The following PRKCB variants were observed in gnomAD, a reference collection of about 807,000 sequenced individuals.
The protein encoded by PRKCB is protein kinase C beta, also known as protein kinase C beta type.
Under a neutral mutation model 81.5 loss-of-function variants are expected in PRKCB, and 13 were observed. The ratio of observed to expected loss-of-function variants is 0.16; its 90% CI spans 0.10 to 0.25. PRKCB has a LOEUF of 0.25. PRKCB is among the 10% of genes least tolerant of loss of function. The probability of loss-of-function intolerance (pLI) is 1.00; values close to 1 mark genes in which losing one functional copy is unlikely to be tolerated. For missense variants in PRKCB, 509 were observed against 875.7 expected (o/e 0.58, Z 5.29); for synonymous variants, 335 against 321.4 (o/e 1.04, Z -0.45).
In PRKCB at chr16:24,083,735, C is replaced by T. The variant is rs375368616; in HGVS notation, c.530-9056C>T. Among the ~76,000 whole-genome samples the T allele has an allele frequency of 3.3e-5, 5 of 152,280 alleles. No homozygotes were observed. In the East Asian group the frequency reaches 9.7e-4, roughly 29 times the overall value. On this transcript the variant is annotated intron_variant, in intron 5 of 16. Transcript: ENST00000643927. ...GAGGAATTTTTCCGAGGTGATAGAA[C>T]TCTTCTGTATTCTGATTGTGTGATG...
intron 5 of PRKCB, among the ~76,000 whole-genome samples, chr16:24,056,749 TG>T (rs1489071136): frequency 1.3e-5 from 2 of 152,208 alleles, no homozygotes; most frequent in Non-Finnish European, 2.9e-5. Context: ...GTACCATGAT[TG>T]GAAGCTTCCT....
intron 16 of PRKCB, chr16:24,202,990 G>A (rs1471636249): frequency 6.6e-6 from 1 of 152,214 alleles, no homozygotes; most frequent in Admixed American, 6.5e-5. Context: ...GTTAACATGG[G>A]CAGATCACTT....
Position 23,970,967 on chromosome 16 carries a change from A to C in PRKCB, c.206-17541A>C, listed in dbSNP as rs76221866. ...AGGGCTTGACCAACCTCTAGAGTCC[A>C]TGGGCAGATTTTCTGGGCCTCTGGC... On this transcript the variant is annotated intron_variant, in intron 2 of 16. Coordinates refer to ENST00000643927, the MANE Select transcript of PRKCB (RefSeq NM_002738.7). Among the ~76,000 whole-genome samples, 344 of 152,330 alleles carry C rather than the reference A, an allele frequency of 2.3e-3. 1 individual carries two copies. The highest frequency in any genetic ancestry group is 3.9e-3 in the Non-Finnish European group (266 of 68,038).
At chr16:24,087,272 C>T (rs1966320793) in intron 5 of PRKCB, among the ~76,000 whole-genome samples, 2 of 152,194 alleles carry the variant, frequency 1.3e-5, no homozygotes, top group Admixed American at 6.5e-5. Flanking sequence ...AACAAAGAGG[C>T]ATTATATTGC....
rs957487467 is a variant in PRKCB at position 24,219,899 on chromosome 16, G to A, written c.*5083G>A. The A allele has an allele frequency of 2.2e-5, 35 of 1,573,932 alleles. No homozygotes were observed. The highest frequency in any genetic ancestry group is 1.4e-4 in the East Asian group (6 of 43,424). ...TGGTATCAGCCACCCAATGACTGGC[G>A]TATCTTGGTCCTGTGTCTTTCTTCT... On this transcript the variant is annotated 3_prime_UTR_variant, in exon 17 of 17. Transcript: ENST00000643927.
At position 23,836,166 on chromosome 16, in the gene PRKCB, C is replaced by T. The variant is rs777496943; in HGVS notation, c.-10C>T. ...CGGCACCTCTCGGGCTCCGGCTCCC[C>T]GCGCGCAAGATGGCTGACCCGGCTG... On this transcript the variant is annotated 5_prime_UTR_variant, in exon 1 of 17. Coordinates refer to ENST00000643927, the MANE Select transcript of PRKCB (RefSeq NM_002738.7). 2.0e-6 allele frequency: 3 copies of T among 1,521,986 alleles called. No homozygotes were observed. The highest frequency in any genetic ancestry group is 1.2e-5 in the South Asian group (1 of 83,140). 94.3% of individuals were successfully genotyped at this position (1,521,986 alleles called of 1,614,324 possible).
At chr16:24,193,005 G>T (rs1384713459) in intron 16 of PRKCB, among the ~76,000 whole-genome samples, 1 of 151,916 alleles carries the variant, frequency 6.6e-6, no homozygotes, top group Non-Finnish European at 1.5e-5. Flanking sequence ...TGTTACCCAG[G>T]TTGGAGTGCA....
chr16:23,973,648 C>T (rs371555866), intron 2 of PRKCB, among the ~76,000 whole-genome samples: 3 of 152,128 alleles, frequency 2.0e-5, no homozygotes, highest in Admixed American at 1.3e-4. Flanking sequence ...CACGTCAGGA[C>T]AGAAGTGATA....
chr16:24,072,390 C>G (rs1019646678), intron 5 of PRKCB, among the ~76,000 whole-genome samples: 1 of 151,876 alleles, frequency 6.6e-6, no homozygotes, highest in Non-Finnish European at 1.5e-5. Flanking sequence ...ACATCAGCCT[C>G]CTAAGTAGCT....
At chr16:23,909,502 T>C (rs976948249) in intron 2 of PRKCB, among the ~76,000 whole-genome samples, 1 of 152,160 alleles carries the variant, frequency 6.6e-6, no homozygotes, top group African/African-American at 2.4e-5. Context: ...TAAGTTCAAG[T>C]GCAGTTTTAT....
intron 2 of PRKCB, among the ~76,000 whole-genome samples, chr16:23,867,782 T>A (rs1962833259): frequency 6.6e-6 from 1 of 152,218 alleles, no homozygotes; most frequent in African/African-American, 2.4e-5. Flanking sequence ...AGACTTTGAA[T>A]CTCTGAGCAG....
intron 10 of PRKCB, among the ~76,000 whole-genome samples, chr16:24,160,231 C>G (rs745814898): frequency 8.1e-5 from 12 of 147,744 alleles, no homozygotes; most frequent in Non-Finnish European, 1.5e-4. Flanking sequence ...GAAGTTACTC[C>G]GCTTATCCTA....
At position 24,155,613 on chromosome 16, in the gene PRKCB, T is replaced by C. The variant is rs76081285; in HGVS notation, c.1239+756T>C. 2.4e-3 allele frequency among the ~76,000 whole-genome samples: 366 copies of C among 152,296 alleles called. 2 individuals carry two copies. The highest frequency in any genetic ancestry group is 7.3e-3 in the African/African-American group (302 of 41,566). On this transcript the variant is annotated intron_variant, in intron 10 of 16. Transcript: ENST00000643927. ...GTGACTTAAGATGTTTTGGGGACTT[T>C]TCAAGATTAATTTTGACTCTATCCA...
intron 3 of PRKCB, among the ~76,000 whole-genome samples, chr16:24,007,574 A>T (rs1965142610): frequency 6.6e-6 from 1 of 152,204 alleles, no homozygotes; most frequent in African/African-American, 2.4e-5. Flanking sequence ...TTTGTCCCTC[A>T]CTGTCACGAA....
chr16:24,009,059 A>T (rs996100358), intron 3 of PRKCB, among the ~76,000 whole-genome samples: 3 of 152,134 alleles, frequency 2.0e-5, no homozygotes, highest in African/African-American at 7.2e-5. Context: ...AAAATATTCC[A>T]TCATATGCAT....
intron 5 of PRKCB, among the ~76,000 whole-genome samples, chr16:24,082,533 A>G (rs1966262997): frequency 6.6e-6 from 1 of 152,256 alleles, no homozygotes; most frequent in South Asian, 2.1e-4. Flanking sequence ...GGAACACAGT[A>G]GAGAATCCAG....
chr16:24,105,598 G>T (rs1287950453), intron 7 of PRKCB, among the ~76,000 whole-genome samples: 1 of 151,866 alleles, frequency 6.6e-6, no homozygotes, highest in Non-Finnish European at 1.5e-5. Context: ...TGTTCTCATT[G>T]TTCAACTTAT....
chr16:23,965,663 T>A (rs777014792), intron 2 of PRKCB, among the ~76,000 whole-genome samples: 8 of 152,194 alleles, frequency 5.3e-5, no homozygotes, highest in Non-Finnish European at 1.2e-4. Context: ...AACATCGCTG[T>A]GAAAGTGTAG....
intron 3 of PRKCB, among the ~76,000 whole-genome samples, chr16:24,031,471 A>C (rs1206105598): frequency 6.6e-6 from 1 of 152,204 alleles, no homozygotes; most frequent in Non-Finnish European, 1.5e-5. Context: ...CACACATCCC[A>C]TTGGCCAGAA....
Sources: gnomAD v4.1 joint callset for allele counts (sites outside exome capture counted in the v4.1 genomes callset) on GRCh38, gnomAD v4.1.1 for gene constraint, MANE v1.5 for transcripts, NCBI Gene and HGNC (gene_info 2026-07-23, HGNC 2026-07-21) for gene names.